The following AKR1D1 variants were observed in gnomAD, a reference collection of about 807,000 sequenced individuals.
AKR1D1 encodes the protein aldo-keto reductase family 1 member D1, also known as delta(4)-3-ketosteroid 5-beta-reductase.
A neutral mutation model predicts 42.6 loss-of-function variants in AKR1D1; 32 were observed. That is an observed-to-expected ratio of 0.75 (90% CI 0.57 to 1.01). The LOEUF (loss-of-function observed/expected upper bound fraction) is 1.01, where lower values mean the gene tolerates loss of function less well. AKR1D1 is among the 50% of genes least tolerant of loss of function. The pLI, the probability that AKR1D1 is intolerant of heterozygous loss-of-function variation, is 0.00. For missense variants in AKR1D1, 364 were observed against 402.2 expected (o/e 0.91, Z 0.81); for synonymous variants, 123 against 135.5 (o/e 0.91, Z 0.64).
intron 1 of AKR1D1, among the ~76,000 whole-genome samples, chr7:138,087,391 A>T (rs1376677927): frequency 1.3e-5 from 2 of 152,210 alleles, no homozygotes; most frequent in Non-Finnish European, 2.9e-5. Context: ...AGCAAATGAA[A>T]AATCAGTGTT....
At chr7:138,099,286 C>G (rs1434642002) in intron 4 of AKR1D1, among the ~76,000 whole-genome samples, 1 of 152,120 alleles carries the variant, frequency 6.6e-6, no homozygotes, top group South Asian at 2.1e-4. Context: ...TAGCCAGTAT[C>G]CCCAGGAAAA....
chr7:138,101,487 C>T (rs1211327161), intron 4 of AKR1D1, among the ~76,000 whole-genome samples: 3 of 151,938 alleles, frequency 2.0e-5, no homozygotes, highest in Non-Finnish European at 2.9e-5. Flanking sequence ...TGTGAGCCAC[C>T]GCGCCCGGCA....
chr7:138,099,583 T>C (rs1450641408), intron 4 of AKR1D1, among the ~76,000 whole-genome samples: 1 of 151,596 alleles, frequency 6.6e-6, no homozygotes, highest in Admixed American at 6.6e-5. Flanking sequence ...TCTCTCAATA[T>C]GAAGAAGAAA....
chr7:138,082,052 T>C (rs1296075249), intron 1 of AKR1D1, among the ~76,000 whole-genome samples: 1 of 152,210 alleles, frequency 6.6e-6, no homozygotes, highest in East Asian at 1.9e-4. Flanking sequence ...GGAGCACGTG[T>C]TCCAAGGCAG....
intron 1 of AKR1D1, among the ~76,000 whole-genome samples, chr7:138,082,073 G>T (rs192930134): frequency 6.6e-6 from 1 of 152,298 alleles, no homozygotes; most frequent in Admixed American, 6.5e-5. Flanking sequence ...CAGCTTCTGC[G>T]TCATTTTCAA....
At chr7:138,108,958 A>G (rs939772898) in intron 7 of AKR1D1, among the ~76,000 whole-genome samples, 1 of 152,232 alleles carries the variant, frequency 6.6e-6, no homozygotes, top group Non-Finnish European at 1.5e-5. Flanking sequence ...ATTCAAATAC[A>G]CTTATCCATT....
intron 3 of AKR1D1, among the ~76,000 whole-genome samples, chr7:138,094,514 T>C (rs1794147103): frequency 1.3e-5 from 2 of 150,994 alleles, no homozygotes; most frequent in African/African-American, 4.9e-5. Context: ...GACCCTGTCT[T>C]GGAAAAAAAA....
rs1056627266 is a variant in AKR1D1, at chr7:138,105,579, A to G, written c.579+150A>G. On this transcript the variant is annotated intron_variant, in intron 5 of 8. Transcript: ENST00000242375. ...TGTGCAAGTCTTTAGACTTCTTTCT[A>G]TTGGTGTCACTTTAAAAAACGGACT... 4 of 1,237,916 alleles carry G rather than the reference A, an allele frequency of 3.2e-6. No homozygotes were observed. In the South Asian group the frequency reaches 4.3e-5, roughly 13 times the overall value. 76.7% of individuals were successfully genotyped at this position (1,237,916 alleles called of 1,614,324 possible).
intron 1 of AKR1D1, among the ~76,000 whole-genome samples, chr7:138,084,510 C>CG (rs371580679): frequency 6.6e-4 from 101 of 152,056 alleles, no homozygotes; most frequent in African/African-American, 2.3e-3. Flanking sequence ...TGTGCCACTG[C>CG]GCCAGCATAA....
chr7:138,096,239 T>C (rs187764699), intron 3 of AKR1D1, among the ~76,000 whole-genome samples: 1 of 151,484 alleles, frequency 6.6e-6, no homozygotes, highest in African/African-American at 2.4e-5. Context: ...GGAAAAAGAA[T>C]GCTATCATTC....
chr7:138,117,223 C>CCATCATAATGTAGA lies in AKR1D1; in HGVS notation c.*572_*573insAGACATCATAATGT, dbSNP rs1794651839. 1 of 153,156 alleles carries CCATCATAATGTAGA rather than the reference C, an allele frequency of 6.5e-6. No homozygotes were observed. The highest frequency in any genetic ancestry group is 2.1e-4 in the South Asian group (1 of 4,858). 9.5% of individuals were successfully genotyped at this position (153,156 alleles called of 1,614,324 possible). ...CTAAACACCACAGTGGTCAACAAAG[C>CCATCATAATGTAGA]CATCATAATGTTGGTGTTTGTTTCC... is the stretch of plus-strand genomic sequence containing the variant. On this transcript the variant is annotated 3_prime_UTR_variant, in exon 9 of 9. Transcript: ENST00000242375.
chr7:138,116,940 GA>G lies in AKR1D1; in HGVS notation c.*282del, dbSNP rs1264105315. On this transcript the variant is annotated 3_prime_UTR_variant, in exon 9 of 9. Transcript: ENST00000242375. ...CCAGACAGAAAAAAATTACACTTCA[GA>G]AAAGACATCAAAGGCAACATATGAC... 1.2e-5 allele frequency: 5 copies of G among 415,802 alleles called. No homozygotes were observed. The highest frequency in any genetic ancestry group is 2.2e-5 in the Non-Finnish European group (5 of 232,456). The allele number at this position is 415,802 out of a possible 1,614,324, so 25.8% of individuals were successfully genotyped here.
At chr7:138,101,191 CCCTT>C (rs1222751373) in intron 4 of AKR1D1, among the ~76,000 whole-genome samples, 463 of 20,220 alleles carry the variant, frequency 0.023, 1 homozygote, top group East Asian at 0.029. Flanking sequence ...CTCCCTCCCT[CCCTT>C]CCTTCCTTCC....
intron 8 of AKR1D1, among the ~76,000 whole-genome samples, chr7:138,116,039 G>T (rs1411374863): frequency 6.6e-6 from 1 of 152,080 alleles, no homozygotes; most frequent in East Asian, 1.9e-4. Context: ...TTGGGCAACC[G>T]TGGTGGCACA....
chr7:138,116,055 A>C (rs1473933503), intron 8 of AKR1D1, among the ~76,000 whole-genome samples: 1 of 147,632 alleles, frequency 6.8e-6, no homozygotes, highest in Admixed American at 6.7e-5. Context: ...GCACATACCT[A>C]TAATCCCTGC....
At chr7:138,112,561 A>T (rs546454295) in intron 7 of AKR1D1, among the ~76,000 whole-genome samples, 9 of 152,158 alleles carry the variant, frequency 5.9e-5, no homozygotes, top group Non-Finnish European at 1.3e-4. Flanking sequence ...TTTTCCTCTT[A>T]ATGTGTGTAG....
chr7:138,094,043 C>A (rs1293774295), intron 3 of AKR1D1, among the ~76,000 whole-genome samples: 1 of 152,078 alleles, frequency 6.6e-6, no homozygotes, highest in Non-Finnish European at 1.5e-5. Context: ...TCTTTTTGGA[C>A]TTGATAGATA....
chr7:138,100,885 T>C (rs1794293806), intron 4 of AKR1D1, among the ~76,000 whole-genome samples: 1 of 151,666 alleles, frequency 6.6e-6, no homozygotes, highest in African/African-American at 2.4e-5. Flanking sequence ...TTTGTACTTT[T>C]AGTAGAGACG....
At chr7:138,112,691 G>T (rs950453429) in intron 7 of AKR1D1, among the ~76,000 whole-genome samples, 8 of 151,520 alleles carry the variant, frequency 5.3e-5, no homozygotes, top group African/African-American at 1.7e-4. Flanking sequence ...TGCAAAGAGC[G>T]TATATTTATG....
Sources: gnomAD v4.1 joint callset for allele counts (sites outside exome capture counted in the v4.1 genomes callset) on GRCh38, gnomAD v4.1.1 for gene constraint, MANE v1.5 for transcripts, NCBI Gene and HGNC (gene_info 2026-07-23, HGNC 2026-07-21) for gene names.